Variants in TSHZ2 observed in about 807,000 individuals in gnomAD.
TSHZ2 encodes teashirt zinc finger homeobox 2.
In TSHZ2, 21 loss-of-function variants were observed where a neutral mutation model predicts 74.4. The ratio of observed to expected loss-of-function variants is 0.28; its 90% CI spans 0.20 to 0.41. TSHZ2 has a LOEUF of 0.41. TSHZ2 is among the 10% of genes least tolerant of loss of function. TSHZ2 has a pLI of 1.00. For missense variants in TSHZ2, 1,244 were observed against 1,293.5 expected (o/e 0.96, Z 0.59); for synonymous variants, 540 against 515.3 (o/e 1.05, Z -0.65).
chr20:53,014,353 T>G (rs1982960572), intron 1 of TSHZ2, among the ~76,000 whole-genome samples: 1 of 152,182 alleles, frequency 6.6e-6, no homozygotes, highest in Non-Finnish European at 1.5e-5. Context: ...GGGTCTGGGC[T>G]TTAACACAGG....
rs150160222 is a variant in TSHZ2, at chr20:53,060,689, AAAT to A, written c.40+87361_40+87363del. Reference sequence around the variant, plus strand: ...CTTACGTAGTAAAAATGGGTTAACTAAATAATATCCTGAATAGAAGGAAGAGTG... The same window carrying A: ...CTTACGTAGTAAAAATGGGTTAACTAAATATCCTGAATAGAAGGAAGAGTG... On this transcript the variant is annotated intron_variant, in intron 1 of 2. Coordinates refer to ENST00000371497, the MANE Select transcript of TSHZ2 (RefSeq NM_173485.6). Among the ~76,000 whole-genome samples, 214 of 152,366 alleles carry A rather than the reference AAAT, an allele frequency of 1.4e-3. 5 individuals carry two copies. In the East Asian group the frequency reaches 0.037, roughly 26 times the overall value.
At chr20:53,154,768 G>A (rs1228509230) in intron 1 of TSHZ2, among the ~76,000 whole-genome samples, 1 of 152,088 alleles carries the variant, frequency 6.6e-6, no homozygotes, top group Non-Finnish European at 1.5e-5. Flanking sequence ...GTATAGAAGT[G>A]TAGCTCCCTC....
intron 2 of TSHZ2, among the ~76,000 whole-genome samples, chr20:53,427,730 T>C (rs1380975819): frequency 6.6e-6 from 1 of 152,186 alleles, no homozygotes; most frequent in African/African-American, 2.4e-5. Flanking sequence ...CTCCCGGGAA[T>C]GTTTGTCCTT....
At chr20:53,369,911 C>G (rs1422303493) in intron 2 of TSHZ2, among the ~76,000 whole-genome samples, 1 of 152,146 alleles carries the variant, frequency 6.6e-6, no homozygotes, top group Admixed American at 6.5e-5. Flanking sequence ...GATAGAAACG[C>G]CTTTCTTTAA....
chr20:53,266,772 A>ATTTTT (rs11344692), intron 2 of TSHZ2, among the ~76,000 whole-genome samples: 3 of 98,766 alleles, frequency 3.0e-5, no homozygotes, highest in Non-Finnish European at 5.8e-5. Flanking sequence ...CCGATCGACG[A>ATTTTT]TTTTTTTTTT....
chr20:53,275,316 T>G (rs1186499896), intron 2 of TSHZ2, among the ~76,000 whole-genome samples: 1 of 152,076 alleles, frequency 6.6e-6, no homozygotes, highest in Non-Finnish European at 1.5e-5. Context: ...TCATGTTAAT[T>G]TTTAAATTAT....
At chr20:53,137,888 A>G (rs759076210) in intron 1 of TSHZ2, among the ~76,000 whole-genome samples, 5 of 152,218 alleles carry the variant, frequency 3.3e-5, no homozygotes, top group African/African-American at 1.2e-4. Flanking sequence ...TTTCATTTGA[A>G]TAGTTGTGGT....
At chr20:53,134,729 G>A (rs1987198148) in intron 1 of TSHZ2, among the ~76,000 whole-genome samples, 2 of 152,036 alleles carry the variant, frequency 1.3e-5, no homozygotes, top group African/African-American at 4.8e-5. Context: ...ACATAATTAC[G>A]ATCACATTAT....
intron 1 of TSHZ2, among the ~76,000 whole-genome samples, chr20:53,232,209 C>T (rs1989840748): frequency 6.6e-6 from 1 of 152,090 alleles, no homozygotes; most frequent in African/African-American, 2.4e-5. Flanking sequence ...ATTATTGAGC[C>T]CACACTGATA....
intron 2 of TSHZ2, among the ~76,000 whole-genome samples, chr20:53,362,743 C>G (rs113472637): frequency 6.6e-6 from 1 of 152,034 alleles, no homozygotes; most frequent in African/African-American, 2.4e-5. Context: ...TATGTCATGC[C>G]GAAGTATTTA....
intron 1 of TSHZ2, among the ~76,000 whole-genome samples, chr20:53,109,964 C>T (rs1986485603): frequency 6.6e-6 from 1 of 152,284 alleles, no homozygotes; most frequent in East Asian, 1.9e-4. Flanking sequence ...AAGGCCTGGT[C>T]CACAGAAATG....
rs76617561 is a variant in TSHZ2 at position 53,412,256 on chromosome 20, G to A, written c.*9-74888G>A. Among the ~76,000 whole-genome samples the A allele has an allele frequency of 9.0e-3, 1,370 of 152,256 alleles. 20 individuals are homozygous for A. Among genetic ancestry groups the A allele is most frequent in the African/African-American group, 0.032 (1,316 of 41,530 alleles). On this transcript the variant is annotated intron_variant, in intron 2 of 2. Coordinates refer to ENST00000371497, the MANE Select transcript of TSHZ2 (RefSeq NM_173485.6). ...ATTCTTCTCTATGGCTGCTCCTCTG[G>A]TCTCCTCCCCAGCCTGCTGACAATA...
intron 1 of TSHZ2, among the ~76,000 whole-genome samples, chr20:53,032,631 G>A (rs1983680722): frequency 6.6e-6 from 1 of 152,162 alleles, no homozygotes; most frequent in Admixed American, 6.5e-5. Flanking sequence ...AGCATTTGGG[G>A]GTCAGACCCC....
rs6097190 is a variant in TSHZ2 at position 53,017,430 on chromosome 20, G to A, written c.40+44097G>A. Among the ~76,000 whole-genome samples, 414 of 152,156 alleles carry A rather than the reference G, an allele frequency of 2.7e-3. 2 individuals carry two copies. The highest frequency in any genetic ancestry group is 9.7e-3 in the African/African-American group (403 of 41,520). ...CACAACATGATTTTACATAGCATAC[G>A]GGCCAACATTTTTTTTCTTTAACAG... On this transcript the variant is annotated intron_variant, in intron 1 of 2. Coordinates refer to ENST00000371497, the MANE Select transcript of TSHZ2 (RefSeq NM_173485.6).
intron 1 of TSHZ2, among the ~76,000 whole-genome samples, chr20:53,212,173 G>A (rs947004805): frequency 6.6e-6 from 1 of 152,280 alleles, no homozygotes; most frequent in African/African-American, 2.4e-5. Flanking sequence ...CTCACATGGA[G>A]TCCCTGAGTG....
chr20:53,096,626 T>C (rs529089181), intron 1 of TSHZ2, among the ~76,000 whole-genome samples: 87 of 151,490 alleles, frequency 5.7e-4, no homozygotes, highest in African/African-American at 1.9e-3. Context: ...CTCACTCCTG[T>C]AATCCTAGCA....
chr20:53,159,829 A>G (rs529547613), intron 1 of TSHZ2, among the ~76,000 whole-genome samples: 2 of 152,368 alleles, frequency 1.3e-5, no homozygotes, highest in East Asian at 3.9e-4. Context: ...ATACTAAGCC[A>G]GTACCTGTAA....
At chr20:53,045,427 A>T (rs1044656160) in intron 1 of TSHZ2, among the ~76,000 whole-genome samples, 4 of 152,238 alleles carry the variant, frequency 2.6e-5, no homozygotes, top group African/African-American at 9.6e-5. Context: ...TCATGTGCAC[A>T]TCTGAATTCC....
intron 2 of TSHZ2, chr20:53,273,509 G>A (rs11697545): frequency 0.086 from 13,155 of 152,296 alleles, 736 homozygotes; most frequent in Admixed American, 0.19. Context: ...GACTGCTCTC[G>A]AACTCCTGAC....
Sources: allele counts gnomAD v4.1 joint callset (sites outside exome capture counted in the v4.1 genomes callset), GRCh38; gene constraint gnomAD v4.1.1; transcripts MANE v1.5; gene names NCBI Gene and HGNC (gene_info 2026-07-23, HGNC 2026-07-21).